Variants in PRKN observed in about 807,000 individuals in gnomAD.
PRKN encodes parkin RBR E3 ubiquitin protein ligase, also known as E3 ubiquitin-protein ligase parkin.
PRKN carries 56 observed loss-of-function variants against 59.5 expected under a neutral mutation model. That is an observed-to-expected ratio of 0.94 (90% CI 0.76 to 1.18). The LOEUF is 1.18. Among genes scored for constraint, PRKN ranks in the 50% most tolerant of loss-of-function variants. PRKN has a pLI of 0.00. For synonymous variants in PRKN, 250 were observed against 222.1 expected, an observed-to-expected ratio of 1.13 and a Z score of -1.12; for missense variants, 657 against 596.4, an observed-to-expected ratio of 1.10 and a Z score of -1.06.
Position 161,899,122 on chromosome 6 carries a change from G to A in PRKN, c.734+74180C>T, listed in dbSNP as rs75974543. On this transcript the variant is annotated intron_variant, in intron 6 of 11. Coordinates refer to ENST00000366898, the MANE Select transcript of PRKN (RefSeq NM_004562.3). ...TCCTCCACCCCGCAGCTATGTCAGCGTGGCCCAGACAGTGACTGTGGAGTG... is the reference window on the plus strand; with the variant it reads ...TCCTCCACCCCGCAGCTATGTCAGCATGGCCCAGACAGTGACTGTGGAGTG... Among the ~76,000 whole-genome samples, 802 of 152,342 alleles carry A rather than the reference G, an allele frequency of 5.3e-3. 8 individuals carry two copies. Among genetic ancestry groups the A allele is most frequent in the African/African-American group, 0.018 (747 of 41,568 alleles).
chr6:162,704,676 A>C (rs564956319), intron 1 of PRKN, among the ~76,000 whole-genome samples: 1 of 152,290 alleles, frequency 6.6e-6, no homozygotes, highest in Admixed American at 6.5e-5. Context: ...ATGTGTTCTA[A>C]ATTAAAAAAC....
intron 9 of PRKN, among the ~76,000 whole-genome samples, chr6:161,476,337 C>T (rs1414357537): frequency 1.3e-5 from 2 of 152,136 alleles, no homozygotes; most frequent in Non-Finnish European, 2.9e-5. Flanking sequence ...GCTGCTGCTT[C>T]TGATGTGTGG....
chr6:162,171,946 C>T (rs528817309), intron 4 of PRKN, among the ~76,000 whole-genome samples: 9 of 152,296 alleles, frequency 5.9e-5, no homozygotes, highest in Admixed American at 3.3e-4. Flanking sequence ...CCTGCCACTA[C>T]ATAGCTCTTC....
chr6:162,302,724 T>G, intron 2 of PRKN, among the ~76,000 whole-genome samples: 1 of 151,894 alleles, frequency 6.6e-6, no homozygotes, highest in East Asian at 1.9e-4. Context: ...TGCCAAAACT[T>G]CTGAGCTACA....
intron 6 of PRKN, among the ~76,000 whole-genome samples, chr6:161,787,551 A>G (rs912097253): frequency 6.6e-6 from 1 of 152,234 alleles, no homozygotes; most frequent in Non-Finnish European, 1.5e-5. Flanking sequence ...TTTCAGCAAC[A>G]TGGTAGACTA....
Position 162,201,208 on chromosome 6 carries a change from G to T in PRKN, c.457C>A (p.Pro153Thr). 1.2e-6 allele frequency: 2 copies of T among 1,613,886 alleles called. No individual in the cohort carries two copies. Among genetic ancestry groups the T allele is most frequent in the South Asian group, 2.2e-5 (2 of 91,080 alleles). Residue 153 changes from proline (P) to threonine (T), a missense_variant, in exon 4 of 12, where the codon CCC becomes ACC. By Grantham distance (38) the Pro-to-Thr change is conservative (BLOSUM62 -1). Coordinates refer to ENST00000366898, the MANE Select transcript of PRKN (RefSeq NM_004562.3). Reference sequence around the variant, plus strand: ...TTTCCCGGCTGCACTCTTTGACAGGGGCCTTTGCAATACACATAAAAGCTG... The same window carrying T: ...TTTCCCGGCTGCACTCTTTGACAGGTGCCTTTGCAATACACATAAAAGCTG... Reference protein sequence around the residue: ...YNSFYVYCKGPCQRVQPGKLR... With the variant: ...YNSFYVYCKGTCQRVQPGKLR...
chr6:162,075,318 G>T (rs1778774305), intron 4 of PRKN, among the ~76,000 whole-genome samples: 1 of 152,068 alleles, frequency 6.6e-6, no homozygotes, highest in Non-Finnish European at 1.5e-5. Context: ...AAGTTTATTA[G>T]ATTTCTAGTG....
rs1162364746 is a variant in PRKN at position 161,447,185 on chromosome 6, GA to G, written c.1084-60309del. Among the ~76,000 whole-genome samples, 19 of 152,202 alleles carry G rather than the reference GA, an allele frequency of 1.2e-4. No homozygotes were observed. Among genetic ancestry groups the G allele is most frequent in the Non-Finnish European group, 7.4e-5 (5 of 68,006 alleles). The stretch of plus-strand genomic sequence containing the variant: ...GTTAAGTCCCCCTGTGAAGTTAACC[GA>G]AAGCTGCTTTTTCACTCAGAGAATG... On this transcript the variant is annotated intron_variant, in intron 9 of 11. Coordinates refer to ENST00000366898, the MANE Select transcript of PRKN (RefSeq NM_004562.3). This position sits in a 1 kb window ranked among gnomAD's most constrained non-coding sequence, Gnocchi z 4.1.
intron 2 of PRKN, among the ~76,000 whole-genome samples, chr6:162,364,977 CTCTTTTT>C (rs1393459375): frequency 3.6e-5 from 5 of 138,184 alleles, no homozygotes; most frequent in Admixed American, 1.4e-4. Flanking sequence ...CTCTCTCTCT[CTCTTTTT>C]TTTTTTTTTT....
intron 6 of PRKN, among the ~76,000 whole-genome samples, chr6:161,954,085 G>A (rs919095283): frequency 1.2e-4 from 18 of 152,272 alleles, no homozygotes; most frequent in East Asian, 7.7e-4. Context: ...CAGTTAGCAC[G>A]CACTAAGTTT....
At chr6:162,021,153 TA>T (rs1238051668) in intron 5 of PRKN, among the ~76,000 whole-genome samples, 2 of 18,844 alleles carry the variant, frequency 1.1e-4, no homozygotes, top group Admixed American at 8.7e-4. Flanking sequence ...TATATATATA[TA>T]TATATATATA....
intron 9 of PRKN, among the ~76,000 whole-genome samples, chr6:161,435,346 G>A (rs367879735): frequency 9.9e-5 from 15 of 152,062 alleles, no homozygotes; most frequent in East Asian, 3.8e-4. Context: ...ATGCTCTGAC[G>A]CCTCCTGCCT....
At chr6:161,932,654 A>C (rs9347569) in intron 6 of PRKN, among the ~76,000 whole-genome samples, 54,705 of 152,120 alleles carry the variant, frequency 0.36, 10,159 homozygotes, top group Middle Eastern at 0.52. Flanking sequence ...GCTATAAAAA[A>C]ATTATGTTTT....
At chr6:162,334,389 A>G (rs1381413924) in intron 2 of PRKN, among the ~76,000 whole-genome samples, 1 of 152,224 alleles carries the variant, frequency 6.6e-6, no homozygotes, top group East Asian at 1.9e-4. Context: ...TTTAAAGCCA[A>G]TGCTCATTTC....
intron 1 of PRKN, among the ~76,000 whole-genome samples, chr6:162,624,080 C>T (rs1782783546): frequency 6.8e-6 from 1 of 147,592 alleles, no homozygotes; most frequent in African/African-American, 2.4e-5. Context: ...GAAACCCTGT[C>T]TCTACTAAAT....
chr6:161,375,271 G>A (rs139642705), intron 10 of PRKN, among the ~76,000 whole-genome samples: 8 of 152,308 alleles, frequency 5.3e-5, no homozygotes, highest in Middle Eastern at 6.8e-3. Context: ...GTGCTCTGCC[G>A]TGCTGGAGTG....
Position 161,707,361 on chromosome 6 carries a change from G to A in PRKN, c.871+78411C>T, listed in dbSNP as rs145614825. ...CATAATTGTGCGTTGAGGAAACGCC[G>A]GTATGCTAAGGCAAAAGAACAATAG... On this transcript the variant is annotated intron_variant, in intron 7 of 11. Transcript: ENST00000366898. Among the ~76,000 whole-genome samples, 24 of 152,216 alleles carry A rather than the reference G, an allele frequency of 1.6e-4. No homozygotes were observed. The South Asian group carries it at 2.3e-3, about 14-fold the overall frequency.
At position 161,434,404 on chromosome 6, in the gene PRKN, G is replaced by A. The variant is rs550999998; in HGVS notation, c.1084-47527C>T. On this transcript the variant is annotated intron_variant, in intron 9 of 11. Coordinates refer to ENST00000366898, the MANE Select transcript of PRKN (RefSeq NM_004562.3). Reference sequence around the variant, plus strand: ...TGAGGGAGGGTGGCATCTGCCTGCCGGCTGTTGGGGAATTTCCCTAAGTTT... The same window carrying A: ...TGAGGGAGGGTGGCATCTGCCTGCCAGCTGTTGGGGAATTTCCCTAAGTTT... Among the ~76,000 whole-genome samples, 436 of 152,266 alleles carry A rather than the reference G, an allele frequency of 2.9e-3. 2 individuals are homozygous for A. Among genetic ancestry groups the A allele is most frequent in the Non-Finnish European group, 3.2e-3 (219 of 68,038 alleles).
chr6:161,879,246 A>T (rs528745861), intron 6 of PRKN, among the ~76,000 whole-genome samples: 1 of 151,704 alleles, frequency 6.6e-6, no homozygotes, highest in African/African-American at 2.4e-5. Context: ...TTGAGCTCAC[A>T]CTTTTACCCT....
Sources: gnomAD v4.1 joint callset for allele counts (sites outside exome capture counted in the v4.1 genomes callset) on GRCh38, gnomAD v4.1.1 for gene constraint, Gnocchi (gnomAD v3.1) non-coding constraint, MANE v1.5 for transcripts, NCBI Gene and HGNC (gene_info 2026-07-23, HGNC 2026-07-21) for gene names.